MOCOS: variants seen among roughly 807,000 people sequenced by gnomAD.
MOCOS encodes the protein human molybdenum cofactor sulfurase.
A neutral mutation model predicts 83.6 loss-of-function variants in MOCOS; 86 were observed. The observed-to-expected ratio is 1.03, with a 90% confidence interval of 0.86 to 1.23. The LOEUF is 1.23. Ranked by LOEUF, MOCOS falls within the 50% of genes most tolerant of loss-of-function variation. The probability of loss-of-function intolerance (pLI) is 0.00; values close to 1 mark genes in which losing one functional copy is unlikely to be tolerated. For synonymous variants in MOCOS, 445 were observed against 434.7 expected, an observed-to-expected ratio of 1.02 and a Z score of -0.29; for missense variants, 1,120 against 1,126.9, an observed-to-expected ratio of 0.99 and a Z score of 0.09.
chr18:36,239,927 C>T (rs561299064), intron 9 of MOCOS, among the ~76,000 whole-genome samples: 3 of 151,782 alleles, frequency 2.0e-5, no homozygotes, highest in Non-Finnish European at 2.9e-5. Flanking sequence ...TTGATCACAT[C>T]AGCTCCTGAG....
chr18:36,192,445 TAAAG>T (rs2091369882), intron 1 of MOCOS, among the ~76,000 whole-genome samples: 1 of 152,146 alleles, frequency 6.6e-6, no homozygotes, highest in African/African-American at 2.4e-5. Flanking sequence ...TGAAAGAAAT[TAAAG>T]AAGACCTAAA....
At chr18:36,208,797 C>T (rs2091443605) in intron 6 of MOCOS, among the ~76,000 whole-genome samples, 1 of 152,112 alleles carries the variant, frequency 6.6e-6, no homozygotes, top group Admixed American at 6.5e-5. Flanking sequence ...TTTCTCTTGC[C>T]TAATTGCTGT....
intron 12 of MOCOS, among the ~76,000 whole-genome samples, chr18:36,257,965 T>G (rs1470209435): frequency 2.6e-5 from 4 of 152,214 alleles, no homozygotes; most frequent in Non-Finnish European, 2.9e-5. Flanking sequence ...TATCCATTGT[T>G]GAAAATATAC....
At chr18:36,188,739 T>C (rs1398302176) in intron 1 of MOCOS, among the ~76,000 whole-genome samples, 1 of 143,264 alleles carries the variant, frequency 7.0e-6, no homozygotes, top group African/African-American at 2.5e-5. Context: ...GGTAACTGTG[T>C]TTTCCCTTTG....
rs1555657023 is a variant in MOCOS at position 36,268,700 on chromosome 18, A to ACACAT, written c.*15_*16insCACAT. 3 of 1,604,858 alleles carry ACACAT rather than the reference A, an allele frequency of 1.9e-6. No homozygotes were observed. The highest frequency in any genetic ancestry group is 2.6e-6 in the Non-Finnish European group (3 of 1,172,062). ...TTACCTCCTAAAAAAAATTTTTAGC[A>ACACAT]TAAAGTTTCTCTTTTACAGTGATCT... On this transcript the variant is annotated 3_prime_UTR_variant, in exon 15 of 15. Transcript: ENST00000261326.
chr18:36,192,740 C>G (rs986170379), intron 1 of MOCOS, among the ~76,000 whole-genome samples: 3 of 152,098 alleles, frequency 2.0e-5, no homozygotes, highest in Admixed American at 6.6e-5. Flanking sequence ...CTCCACCTCC[C>G]AGGCTCAAGT....
intron 9 of MOCOS, among the ~76,000 whole-genome samples, chr18:36,247,574 G>A (rs144635453): frequency 2.0e-5 from 3 of 152,180 alleles, no homozygotes; most frequent in African/African-American, 4.8e-5. Flanking sequence ...GTCCCTACAG[G>A]GCTCTTCCTG....
At chr18:36,261,473 A>G (rs1328156073) in intron 13 of MOCOS, among the ~76,000 whole-genome samples, 1 of 152,222 alleles carries the variant, frequency 6.6e-6, no homozygotes, top group Admixed American at 6.5e-5. Context: ...TAAACTGACT[A>G]TAACGAGCTA....
At chr18:36,204,984 G>C in intron 5 of MOCOS, 93 bp from the exon 6 acceptor site, 2 of 985,218 alleles carry the variant, frequency 2.0e-6, no homozygotes, top group Non-Finnish European at 2.8e-6. Flanking sequence ...CAGAGTGAGT[G>C]AGACCGTGTC....
intron 1 of MOCOS, among the ~76,000 whole-genome samples, chr18:36,189,623 T>C (rs965883907): frequency 1.3e-5 from 2 of 152,230 alleles, no homozygotes; most frequent in Admixed American, 6.5e-5. Flanking sequence ...GATGGGAACT[T>C]CCTTGCCTTT....
intron 1 of MOCOS, among the ~76,000 whole-genome samples, chr18:36,192,963 A>C (rs544161082): frequency 2.0e-5 from 3 of 152,120 alleles, no homozygotes; most frequent in Non-Finnish European, 4.4e-5. Flanking sequence ...GCAATCTTGA[A>C]AAAGAAGATC....
chr18:36,219,935 T>C, intron 8 of MOCOS, 120 bp from the exon 9 acceptor site: 1 of 1,275,698 alleles, frequency 7.8e-7, no homozygotes, highest in South Asian at 1.2e-5. Flanking sequence ...CTCCCTTTCT[T>C]CCTTCCAGTG....
chr18:36,198,969 A>G (rs552343588), intron 3 of MOCOS, among the ~76,000 whole-genome samples: 4 of 152,250 alleles, frequency 2.6e-5, no homozygotes, highest in Non-Finnish European at 5.9e-5. Context: ...ACACACAGGT[A>G]GGTGGCTCTG....
At chr18:36,213,726 C>T (rs952848676) in intron 7 of MOCOS, among the ~76,000 whole-genome samples, 27 of 151,706 alleles carry the variant, frequency 1.8e-4, no homozygotes, top group South Asian at 1.5e-3. Context: ...GTCAGGAGTT[C>T]GAGACAAGCC....
chr18:36,232,997 A>G (rs1483179590), intron 9 of MOCOS, among the ~76,000 whole-genome samples: 1 of 152,104 alleles, frequency 6.6e-6, no homozygotes, highest in Non-Finnish European at 1.5e-5. Flanking sequence ...TATCTTAAAC[A>G]TACTGATTTT....
intron 4 of MOCOS, among the ~76,000 whole-genome samples, chr18:36,202,688 G>T (rs1250266583): frequency 6.6e-6 from 1 of 152,198 alleles, no homozygotes; most frequent in East Asian, 1.9e-4. Flanking sequence ...TACTACCCAA[G>T]ACTGGGTAAT....
At chr18:36,223,592 A>G (rs984238969) in intron 9 of MOCOS, among the ~76,000 whole-genome samples, 2 of 152,144 alleles carry the variant, frequency 1.3e-5, no homozygotes, top group Non-Finnish European at 2.9e-5. Flanking sequence ...GTGGGTCTAT[A>G]TGAATTTTAG....
At chr18:36,236,923 G>T (rs1444180244) in intron 9 of MOCOS, among the ~76,000 whole-genome samples, 5 of 151,930 alleles carry the variant, frequency 3.3e-5, no homozygotes, top group Admixed American at 1.3e-4. Context: ...TCATGATTTG[G>T]CTCTCTGTTT....
chr18:36,251,516 C>G (rs562063310), intron 11 of MOCOS, among the ~76,000 whole-genome samples: 15 of 152,206 alleles, frequency 9.9e-5, no homozygotes, highest in Middle Eastern at 3.4e-3. Flanking sequence ...AGCCTCTGCC[C>G]AAACATTCAG....
Sources: gnomAD v4.1 joint callset for allele counts (sites outside exome capture counted in the v4.1 genomes callset) on GRCh38, gnomAD v4.1.1 for gene constraint, MANE v1.5 for transcripts, NCBI Gene and HGNC (gene_info 2026-07-23, HGNC 2026-07-21) for gene names.